SYK: variants seen among roughly 807,000 people sequenced by gnomAD.
SYK encodes the protein tyrosine-protein kinase SYK.
SYK carries 16 observed loss-of-function variants against 77.8 expected under a neutral mutation model. That is an observed-to-expected ratio of 0.21 (90% CI 0.14 to 0.31). SYK has a LOEUF of 0.31. SYK is among the 10% of genes least tolerant of loss of function. SYK has a pLI of 1.00. For missense variants in SYK, 529 were observed against 814.4 expected, an observed-to-expected ratio of 0.65 and a Z score of 4.26; for synonymous variants, 312 against 308.7, an observed-to-expected ratio of 1.01 and a Z score of -0.11.
chr9:90,888,721 C>T, intron 13 of SYK, 94 bp downstream of exon 13: 1 of 987,370 alleles, frequency 1.0e-6, no homozygotes, highest in Non-Finnish European at 1.4e-6. Context: ...TTCACCTTTT[C>T]ATGAATCAGG....
chr9:90,830,865 G>C (rs1023660806), intron 1 of SYK, among the ~76,000 whole-genome samples: 3 of 152,098 alleles, frequency 2.0e-5, no homozygotes, highest in Non-Finnish European at 4.4e-5. Context: ...GATTACAAGC[G>C]TGAGCCACCA....
chr9:90,880,774 G>A (rs1262148316), intron 11 of SYK, among the ~76,000 whole-genome samples: 1 of 152,220 alleles, frequency 6.6e-6, no homozygotes, highest in Non-Finnish European at 1.5e-5. Flanking sequence ...GCTCACACAG[G>A]GGATTGCACA....
chr9:90,810,675 G>A lies in SYK; in HGVS notation c.-42+8782G>A, dbSNP rs968601260. 3.3e-5 allele frequency among the ~76,000 whole-genome samples: 5 copies of A among 152,294 alleles called. No homozygotes were observed. In the South Asian group the frequency reaches 8.3e-4, roughly 25 times the overall value. On this transcript the variant is annotated intron_variant, in intron 1 of 13. Transcript: ENST00000375754. The stretch of plus-strand genomic sequence containing the variant: ...GATGATTCCAGAACTCTGTCAGTGT[G>A]AAGACCAAACACAATTAAGCACATT...
chr9:90,845,669 G>T (rs1826564361), intron 3 of SYK, 75 bp downstream of exon 3: 2 of 1,548,140 alleles, frequency 1.3e-6, no homozygotes, highest in African/African-American at 2.7e-5. Flanking sequence ...CAGCTTCCTT[G>T]TGACTGGCCC....
intron 1 of SYK, among the ~76,000 whole-genome samples, chr9:90,810,701 A>G (rs1825039722): frequency 6.6e-6 from 1 of 152,254 alleles, no homozygotes; most frequent in African/African-American, 2.4e-5. Flanking sequence ...TAAGCACATT[A>G]AAATACTTAC....
chr9:90,854,651 G>A (rs926403626), intron 3 of SYK, among the ~76,000 whole-genome samples: 12 of 152,168 alleles, frequency 7.9e-5, no homozygotes, highest in African/African-American at 2.2e-4. Flanking sequence ...GATAAAAAGC[G>A]CAGAAACCCT....
At chr9:90,857,536 T>C (rs1490688724) in intron 3 of SYK, among the ~76,000 whole-genome samples, 3 of 152,250 alleles carry the variant, frequency 2.0e-5, no homozygotes, top group Non-Finnish European at 4.4e-5. Flanking sequence ...AGGGATTGTG[T>C]ACTGATCTTG....
chr9:90,862,127 A>C (rs1827286972), intron 3 of SYK, 79 bp from the exon 4 acceptor site: 2 of 1,465,730 alleles, frequency 1.4e-6, no homozygotes, highest in Admixed American at 4.6e-5. Flanking sequence ...CTGACCATTC[A>C]GGCCAGGGTG....
At chr9:90,803,008 A>T (rs936969483) in intron 1 of SYK, among the ~76,000 whole-genome samples, 1 of 152,256 alleles carries the variant, frequency 6.6e-6, no homozygotes, top group East Asian at 1.9e-4. Context: ...AACTAAATAC[A>T]TTGATGTCCT....
intron 3 of SYK, among the ~76,000 whole-genome samples, chr9:90,861,485 C>T (rs891105881): frequency 1.3e-4 from 20 of 151,880 alleles, no homozygotes; most frequent in African/African-American, 4.4e-4. Context: ...TGTTTGAAGT[C>T]CAGCCCTGCC....
intron 1 of SYK, among the ~76,000 whole-genome samples, chr9:90,807,462 T>C (rs1824881161): frequency 6.6e-6 from 1 of 152,262 alleles, no homozygotes; most frequent in Non-Finnish European, 1.5e-5. Context: ...AGCTCTTCTT[T>C]TGTAAATGGA....
At chr9:90,885,333 T>A (rs1353730581) in intron 11 of SYK, among the ~76,000 whole-genome samples, 1 of 152,078 alleles carries the variant, frequency 6.6e-6, no homozygotes. Context: ...AATAGATATT[T>A]TTAAAAGAAC....
intron 13 of SYK, among the ~76,000 whole-genome samples, chr9:90,893,475 C>T (rs12377938): frequency 0.22 from 33,489 of 151,498 alleles, 4,470 homozygotes; most frequent in Middle Eastern, 0.36. Flanking sequence ...ACAGAGAGAG[C>T]GGGAGGGAGG....
chr9:90,886,316 G>T (rs1828573987), intron 11 of SYK, among the ~76,000 whole-genome samples: 1 of 152,166 alleles, frequency 6.6e-6, no homozygotes, highest in African/African-American at 2.4e-5. Context: ...TTAAAAAAAT[G>T]CTTTGCAGAT....
chr9:90,824,167 G>T (rs1383936120), intron 1 of SYK, among the ~76,000 whole-genome samples: 2 of 152,108 alleles, frequency 1.3e-5, no homozygotes, highest in Non-Finnish European at 2.9e-5. Context: ...ACTAATGCTT[G>T]AGTGACACAA....
At chr9:90,834,620 A>G (rs1826006145) in intron 1 of SYK, among the ~76,000 whole-genome samples, 1 of 152,198 alleles carries the variant, frequency 6.6e-6, no homozygotes, top group Non-Finnish European at 1.5e-5. Flanking sequence ...TGTTCATCTA[A>G]TTTATTGGTA....
rs1256816028 is a variant in SYK, at chr9:90,888,628, G to GTGAGTACC, written c.1835+5_1835+12dup. On this transcript the variant is annotated splice_donor_variant, in intron 13 of 13. Coordinates refer to ENST00000375754, the MANE Select transcript of SYK (RefSeq NM_003177.7). LOFTEE classifies it high-confidence loss of function. ...TCATGAATCTGTGCTGGACATACGA[G>GTGAGTACC]TGAGTACCTGACACTGACTGTGATG... 1 of 1,588,634 alleles carries GTGAGTACC rather than the reference G, an allele frequency of 6.3e-7. No individual in the cohort carries two copies. Among genetic ancestry groups the GTGAGTACC allele is most frequent in the Admixed American group, 1.8e-5 (1 of 56,028 alleles).
At chr9:90,840,628 A>T (rs1434968089) in intron 1 of SYK, among the ~76,000 whole-genome samples, 1 of 151,964 alleles carries the variant, frequency 6.6e-6, no homozygotes, top group East Asian at 1.9e-4. Context: ...CAAGAGACTC[A>T]TCAGCACACT....
intron 1 of SYK, among the ~76,000 whole-genome samples, chr9:90,822,470 G>A (rs888220079): frequency 2.0e-5 from 3 of 152,202 alleles, no homozygotes; most frequent in South Asian, 4.1e-4. Context: ...TTCTCAAAAT[G>A]AGAATCTGCT....
Sources: gnomAD v4.1 joint callset for allele counts (sites outside exome capture counted in the v4.1 genomes callset) on GRCh38, gnomAD v4.1.1 for gene constraint, MANE v1.5 for transcripts, NCBI Gene and HGNC (gene_info 2026-07-23, HGNC 2026-07-21) for gene names.